SLC14A2: variants seen among roughly 807,000 people sequenced by gnomAD.
SLC14A2 encodes the protein urea transporter 2.
A neutral mutation model predicts 104.6 loss-of-function variants in SLC14A2; 91 were observed. That is an observed-to-expected ratio of 0.87 (90% confidence interval 0.73 to 1.04). SLC14A2 has a LOEUF of 1.04. SLC14A2 is among the 50% of genes least tolerant of loss of function. The pLI is 0.00. For synonymous variants in SLC14A2, 476 were observed against 466.4 expected (o/e 1.02, Z -0.27); for missense variants, 1,189 against 1,156.0 (o/e 1.03, Z -0.41).
chr18:45,432,508 A>G (rs923758563), intron 1 of SLC14A2, among the ~76,000 whole-genome samples: 2 of 152,172 alleles, frequency 1.3e-5, no homozygotes, highest in African/African-American at 4.8e-5. Flanking sequence ...ATCCTAACAA[A>G]GGAGGCCAGG....
At chr18:45,531,386 G>A (rs960571075) in intron 2 of SLC14A2, among the ~76,000 whole-genome samples, 18 of 151,872 alleles carry the variant, frequency 1.2e-4, no homozygotes, top group South Asian at 2.1e-4. Flanking sequence ...TTTAATGATC[G>A]CCATTCTAAC....
intron 10 of SLC14A2, among the ~76,000 whole-genome samples, chr18:45,655,887 C>T (rs775834269): frequency 6.6e-6 from 1 of 152,162 alleles, no homozygotes; most frequent in Non-Finnish European, 1.5e-5. Flanking sequence ...CTCCAACTGT[C>T]TGTAAAACAC....
At chr18:45,241,465 C>G (rs2084314889) in intron 1 of SLC14A2, among the ~76,000 whole-genome samples, 1 of 152,024 alleles carries the variant, frequency 6.6e-6, no homozygotes, top group Non-Finnish European at 1.5e-5. Context: ...GATAAGAAAC[C>G]ACTTTCTATC....
chr18:45,481,274 G>T (rs1176652150), intron 1 of SLC14A2, among the ~76,000 whole-genome samples: 2 of 151,768 alleles, frequency 1.3e-5, no homozygotes, highest in African/African-American at 2.4e-5. Context: ...ATTTTTCTCT[G>T]TTATTTCATT....
At chr18:45,673,909 T>A in intron 18 of SLC14A2, 92 bp downstream of exon 18, 1 of 1,289,610 alleles carries the variant, frequency 7.8e-7, no homozygotes, top group Non-Finnish European at 1.1e-6. Flanking sequence ...ATTTAGTAAT[T>A]AATAGATTAA....
chr18:45,672,781 A>C (rs969219277), intron 16 of SLC14A2, 119 bp from the exon 17 acceptor site: 3 of 839,122 alleles, frequency 3.6e-6, no homozygotes, highest in South Asian at 3.8e-5. Context: ...AGAAACAAAA[A>C]TCCTGGACAT....
intron 1 of SLC14A2, among the ~76,000 whole-genome samples, chr18:45,390,054 G>T (rs183063748): frequency 6.6e-6 from 1 of 152,286 alleles, no homozygotes; most frequent in East Asian, 1.9e-4. Context: ...AATCTCGTTG[G>T]TATTTGGGGG....
chr18:45,494,941 T>C (rs1412759418), intron 2 of SLC14A2, among the ~76,000 whole-genome samples: 5 of 62,058 alleles, frequency 8.1e-5, no homozygotes, highest in African/African-American at 3.3e-4. Context: ...CACACACACA[T>C]CCTTTCTTAA....
chr18:45,521,111 C>G (rs2043510372), intron 2 of SLC14A2, among the ~76,000 whole-genome samples: 1 of 152,214 alleles, frequency 6.6e-6, no homozygotes, highest in African/African-American at 2.4e-5. Context: ...AGTTCTACAT[C>G]AAGTGACCTG....
At chr18:45,409,654 A>C (rs558019161) in intron 1 of SLC14A2, among the ~76,000 whole-genome samples, 1 of 152,228 alleles carries the variant, frequency 6.6e-6, no homozygotes, top group East Asian at 1.9e-4. Flanking sequence ...CCCCTTTCCC[A>C]GAAGACAGTT....
intron 1 of SLC14A2, among the ~76,000 whole-genome samples, chr18:45,391,634 G>C (rs1456899102): frequency 6.6e-6 from 1 of 152,114 alleles, no homozygotes; most frequent in Non-Finnish European, 1.5e-5. Flanking sequence ...GGTGTGAGAT[G>C]GTATCTCATT....
chr18:45,310,325 T>C (rs1222076582), intron 1 of SLC14A2, among the ~76,000 whole-genome samples: 1 of 152,240 alleles, frequency 6.6e-6, no homozygotes. Flanking sequence ...GGTTCCATGG[T>C]GCTACCTCTT....
intron 16 of SLC14A2, among the ~76,000 whole-genome samples, chr18:45,670,130 C>T (rs1477740240): frequency 6.6e-6 from 1 of 152,148 alleles, no homozygotes; most frequent in South Asian, 2.1e-4. Context: ...AAAACAAAAA[C>T]CCCAAAATCA....
At chr18:45,533,307 G>C (rs530040304) in intron 2 of SLC14A2, among the ~76,000 whole-genome samples, 1 of 152,264 alleles carries the variant, frequency 6.6e-6, no homozygotes, top group Non-Finnish European at 1.5e-5. Flanking sequence ...GGTAGAATTC[G>C]GCTGTGAATC....
At chr18:45,603,372 A>G (rs1243641537) in intron 2 of SLC14A2, among the ~76,000 whole-genome samples, 2 of 152,064 alleles carry the variant, frequency 1.3e-5, no homozygotes, top group African/African-American at 4.8e-5. Context: ...TCTTTGTCCT[A>G]GATTAACCAT....
intron 1 of SLC14A2, among the ~76,000 whole-genome samples, chr18:45,455,044 G>A (rs916903495): frequency 1.3e-5 from 2 of 152,160 alleles, no homozygotes; most frequent in Non-Finnish European, 2.9e-5. Flanking sequence ...TGTGAAAAAG[G>A]TCAATGGTAG....
At chr18:45,348,821 T>C (rs1419149360) in intron 1 of SLC14A2, among the ~76,000 whole-genome samples, 1 of 152,220 alleles carries the variant, frequency 6.6e-6, no homozygotes, top group East Asian at 1.9e-4. Context: ...CAGACTCTAA[T>C]GATCAAGCTC....
chr18:45,225,622 G>A (rs2084107798), intron 1 of SLC14A2, among the ~76,000 whole-genome samples: 1 of 152,190 alleles, frequency 6.6e-6, no homozygotes, highest in South Asian at 2.1e-4. Flanking sequence ...TCCTATCCAT[G>A]AGCATGGAAT....
chr18:45,373,300 G>A (rs901983230), intron 1 of SLC14A2, among the ~76,000 whole-genome samples: 2 of 151,922 alleles, frequency 1.3e-5, no homozygotes, highest in Non-Finnish European at 2.9e-5. Context: ...TCGGCTCCAG[G>A]CTCTCTCTCT....
Sources: gnomAD v4.1 joint callset for allele counts (sites outside exome capture counted in the v4.1 genomes callset) on GRCh38, gnomAD v4.1.1 for gene constraint, MANE v1.5 for transcripts, NCBI Gene and HGNC (gene_info 2026-07-23, HGNC 2026-07-21) for gene names.